PXYLP1: variants seen among roughly 807,000 people sequenced by gnomAD.
The protein encoded by PXYLP1 is acid phosphatase-like 2.
In PXYLP1, 17 loss-of-function variants were observed where a neutral mutation model predicts 37.9. The observed-to-expected ratio is 0.45, with a 90% CI of 0.31 to 0.67. The LOEUF is 0.67. PXYLP1 is among the 30% of genes least tolerant of loss of function. PXYLP1 has a pLI of 0.07. For missense variants in PXYLP1, 511 were observed against 612.0 expected (o/e 0.84, Z 1.74); for synonymous variants, 221 against 232.2 (o/e 0.95, Z 0.44).
At chr3:141,276,643 C>T (rs1000147214) in intron 2 of PXYLP1, among the ~76,000 whole-genome samples, 9 of 152,164 alleles carry the variant, frequency 5.9e-5, no homozygotes, top group South Asian at 2.1e-4. Context: ...GCGTGGGCAT[C>T]GCTATCTTTA....
chr3:141,279,550 T>C, intron 4 of PXYLP1, 46 bp downstream of exon 4: 1 of 1,610,874 alleles, frequency 6.2e-7, no homozygotes, highest in Non-Finnish European at 8.5e-7. Context: ...GTCTGTTATA[T>C]CCTGTAGGAT....
intron 5 of PXYLP1, 76 bp downstream of exon 5, chr3:141,287,529 G>A: frequency 6.4e-7 from 1 of 1,551,818 alleles, no homozygotes; most frequent in Non-Finnish European, 8.7e-7. Context: ...CAGTTCTCCT[G>A]GGCGGGGTGC....
chr3:141,251,044 G>A (rs1021939399), intron 1 of PXYLP1, among the ~76,000 whole-genome samples: 9 of 152,218 alleles, frequency 5.9e-5, no homozygotes, highest in South Asian at 2.1e-4. Flanking sequence ...GCTCATGAAC[G>A]CCTGTGCACT....
At chr3:141,291,946 C>T (rs1452867047) in intron 5 of PXYLP1, among the ~76,000 whole-genome samples, 2 of 152,232 alleles carry the variant, frequency 1.3e-5, no homozygotes, top group African/African-American at 4.8e-5. Context: ...GGCTGGGTGA[C>T]TTCGAACCCT....
chr3:141,287,896 C>G (rs1942113128), intron 5 of PXYLP1, among the ~76,000 whole-genome samples: 1 of 152,196 alleles, frequency 6.6e-6, no homozygotes, highest in South Asian at 2.1e-4. Flanking sequence ...ATGATAGCGC[C>G]ATATTCTTTC....
At chr3:141,243,025 C>T (rs927573455) in intron 1 of PXYLP1, among the ~76,000 whole-genome samples, 2 of 152,132 alleles carry the variant, frequency 1.3e-5, no homozygotes, top group African/African-American at 2.4e-5. Context: ...AATACCTTGC[C>T]CGAGCTGTTA....
intron 2 of PXYLP1, chr3:141,267,634 C>T (rs147441527): frequency 7.4e-4 from 112 of 150,674 alleles, no homozygotes; most frequent in Non-Finnish European, 1.3e-3. Context: ...AAAAAAACAC[C>T]ATAGATGAGT....
At chr3:141,236,249 C>T (rs973433000) in intron 1 of PXYLP1, 3 of 152,190 alleles carry the variant, frequency 2.0e-5, no homozygotes, top group African/African-American at 7.2e-5. Flanking sequence ...ATCATTTCCC[C>T]AATTTACACA....
At chr3:141,268,672 T>C (rs1005254817) in intron 2 of PXYLP1, among the ~76,000 whole-genome samples, 19 of 152,332 alleles carry the variant, frequency 1.2e-4, no homozygotes, top group African/African-American at 4.6e-4. Flanking sequence ...ATCTGAATCC[T>C]GTACACGAGG....
intron 1 of PXYLP1, among the ~76,000 whole-genome samples, chr3:141,239,709 G>A (rs895369458): frequency 2.9e-4 from 44 of 152,236 alleles, no homozygotes; most frequent in African/African-American, 9.9e-4. Flanking sequence ...AATGCCCGAA[G>A]GGGAGTTGGG....
At chr3:141,237,424 AG>A in intron 1 of PXYLP1, among the ~76,000 whole-genome samples, 1 of 152,346 alleles carries the variant, frequency 6.6e-6, no homozygotes, top group East Asian at 1.9e-4. Flanking sequence ...GTGTACATTC[AG>A]AGGCCAAACT....
At chr3:141,277,075 A>G (rs1941812977) in intron 2 of PXYLP1, among the ~76,000 whole-genome samples, 1 of 152,094 alleles carries the variant, frequency 6.6e-6, no homozygotes, top group African/African-American at 2.4e-5. Flanking sequence ...GACTTTGGAT[A>G]TTAATCATTT....
At chr3:141,244,346 T>A (rs73232934) in intron 1 of PXYLP1, among the ~76,000 whole-genome samples, 6,312 of 149,322 alleles carry the variant, frequency 0.042, 185 homozygotes, top group South Asian at 0.12. Flanking sequence ...ATATAACGTT[T>A]CCCTCTGTCA....
intron 1 of PXYLP1, among the ~76,000 whole-genome samples, chr3:141,245,773 G>T (rs116257370): frequency 6.6e-6 from 1 of 152,168 alleles, no homozygotes; most frequent in Admixed American, 6.5e-5. Flanking sequence ...TGGCGGAGAG[G>T]TCCCTAAAAT....
At chr3:141,288,879 A>G (rs6439995) in intron 5 of PXYLP1, among the ~76,000 whole-genome samples, 130,547 of 152,246 alleles carry the variant, frequency 0.86, 56,399 homozygotes, top group African/African-American at 0.97. Flanking sequence ...CTGAGTGACA[A>G]AGTGAGGCCC....
chr3:141,293,001 G>C lies in PXYLP1; in HGVS notation c.1239G>C (p.Lys413Asn), dbSNP rs749603439. Residue 413 changes from lysine (K) to asparagine (N), a missense_variant, in exon 6 of 6, where the codon AAG (lysine) becomes AAC (asparagine). Physicochemically the swap from Lys to Asn is moderately conservative, Grantham distance 94. Coordinates refer to ENST00000286353, the MANE Select transcript of PXYLP1 (RefSeq NM_001037172.3). ...TTGAGCTTTGGCAAGACAGAGAAAA[G>C]CCCAGTGAACATTCCGTCCGGATTC... ...LIFELWQDRE[K>N]PSEHSVRILY... 1 of 1,614,182 alleles carries C rather than the reference G, an allele frequency of 6.2e-7. No homozygotes were observed. The highest frequency in any genetic ancestry group is 2.2e-5 in the East Asian group (1 of 44,880).
intron 1 of PXYLP1, among the ~76,000 whole-genome samples, chr3:141,248,018 GT>G (rs200024544): frequency 1.6e-5 from 1 of 62,386 alleles, no homozygotes; most frequent in Non-Finnish European, 3.0e-5. Flanking sequence ...AAGAGTTTTT[GT>G]TTTGTTTTTT....
intron 1 of PXYLP1, among the ~76,000 whole-genome samples, chr3:141,247,014 T>C (rs1396369731): frequency 6.6e-6 from 1 of 152,250 alleles, no homozygotes; most frequent in Non-Finnish European, 1.5e-5. Flanking sequence ...GGCTCCAGCA[T>C]GCTCCTTGGG....
At chr3:141,253,304 A>G (rs1397116657) in intron 1 of PXYLP1, among the ~76,000 whole-genome samples, 1 of 152,074 alleles carries the variant, frequency 6.6e-6, no homozygotes, top group African/African-American at 2.4e-5. Flanking sequence ...CAGACATGGC[A>G]GGGGCACCCC....
Sources: gnomAD v4.1 joint callset for allele counts (sites outside exome capture counted in the v4.1 genomes callset) on GRCh38, gnomAD v4.1.1 for gene constraint, MANE v1.5 for transcripts, NCBI Gene and HGNC (gene_info 2026-07-23, HGNC 2026-07-21) for gene names.